Variants in CNTN4 observed in about 807,000 individuals in gnomAD.
CNTN4 encodes the protein contactin-4.
A neutral mutation model predicts 122.5 loss-of-function variants in CNTN4; 77 were observed. That is an observed-to-expected ratio of 0.63 (90% confidence interval 0.52 to 0.76). CNTN4 has a LOEUF of 0.76. CNTN4 is among the 30% of genes least tolerant of loss of function. The pLI, the probability that CNTN4 is intolerant of heterozygous loss-of-function variation, is 0.00. For missense variants in CNTN4, 1,256 were observed against 1,259.1 expected (o/e 1.00, Z 0.04); for synonymous variants, 512 against 447.0 (o/e 1.15, Z -1.83).
At chr3:2,332,826 T>C (rs971787734) in intron 2 of CNTN4, among the ~76,000 whole-genome samples, 1 of 151,754 alleles carries the variant, frequency 6.6e-6, no homozygotes, top group Non-Finnish European at 1.5e-5. Context: ...CATGTATACA[T>C]ATGTAACTAA....
chr3:2,254,674 T>G (rs529679714), intron 2 of CNTN4, among the ~76,000 whole-genome samples: 97 of 152,248 alleles, frequency 6.4e-4, no homozygotes, highest in Non-Finnish European at 1.3e-3. Flanking sequence ...GTTTCTTGGC[T>G]GCATAAATGT....
At chr3:2,981,962 C>A (rs1694066545) in intron 13 of CNTN4, among the ~76,000 whole-genome samples, 1 of 152,058 alleles carries the variant, frequency 6.6e-6, no homozygotes, top group South Asian at 2.1e-4. Flanking sequence ...CGCATGTACC[C>A]AGGAGTTGGA....
intron 12 of CNTN4, among the ~76,000 whole-genome samples, chr3:2,915,025 T>C (rs557998596): frequency 2.0e-4 from 31 of 152,282 alleles, no homozygotes; most frequent in African/African-American, 7.5e-4. Context: ...AACCACGTGA[T>C]CGTTCCAATT....
intron 3 of CNTN4, among the ~76,000 whole-genome samples, chr3:2,492,705 A>T (rs867401743): frequency 2.0e-5 from 3 of 152,104 alleles, no homozygotes; most frequent in African/African-American, 7.2e-5. Context: ...TTTTTATGAC[A>T]CTTTGGATCC....
chr3:2,263,135 T>C (rs532466500), intron 2 of CNTN4, among the ~76,000 whole-genome samples: 163 of 152,260 alleles, frequency 1.1e-3, no homozygotes, highest in African/African-American at 3.8e-3. Flanking sequence ...CTAAAATTTA[T>C]GTCCTCTAAG....
At chr3:2,358,363 G>A (rs970741692) in intron 3 of CNTN4, among the ~76,000 whole-genome samples, 3 of 152,000 alleles carry the variant, frequency 2.0e-5, no homozygotes, top group Non-Finnish European at 4.4e-5. Context: ...CTTAACCAGT[G>A]CTTGGCATAG....
At chr3:2,817,216 G>T (rs186108097) in intron 6 of CNTN4, among the ~76,000 whole-genome samples, 9 of 152,278 alleles carry the variant, frequency 5.9e-5, no homozygotes, top group East Asian at 1.9e-4. Flanking sequence ...CACAGCATTC[G>T]CAATGGACAG....
intron 13 of CNTN4, among the ~76,000 whole-genome samples, chr3:2,961,375 TG>T (rs1414424500): frequency 6.6e-6 from 1 of 151,702 alleles, no homozygotes; most frequent in Non-Finnish European, 1.5e-5. Flanking sequence ...CAACTGAGTT[TG>T]GGGGTTGTAT....
intron 3 of CNTN4, among the ~76,000 whole-genome samples, chr3:2,567,204 A>T (rs941976680): frequency 6.6e-6 from 1 of 151,070 alleles, no homozygotes. Context: ...CTCCTGCCTC[A>T]GCCTCCCTAG....
chr3:2,741,469 T>C (rs1232653152), intron 5 of CNTN4, among the ~76,000 whole-genome samples: 1 of 152,222 alleles, frequency 6.6e-6, no homozygotes, highest in East Asian at 1.9e-4. Flanking sequence ...ACATGTAATT[T>C]ATCATCTGAG....
chr3:2,111,282 C>G (rs948097628), intron 2 of CNTN4, among the ~76,000 whole-genome samples: 7 of 152,100 alleles, frequency 4.6e-5, no homozygotes, highest in African/African-American at 1.7e-4. Context: ...TTGAAATTCA[C>G]CAGCATATTG....
chr3:2,544,005 T>C (rs1445877588), intron 3 of CNTN4, among the ~76,000 whole-genome samples: 1 of 152,112 alleles, frequency 6.6e-6, no homozygotes, highest in African/African-American at 2.4e-5. Context: ...CTTTTTTCCT[T>C]TGAGAACACA....
intron 7 of CNTN4, among the ~76,000 whole-genome samples, chr3:2,835,909 A>G (rs73003219): frequency 2.0e-5 from 3 of 152,298 alleles, no homozygotes; most frequent in Non-Finnish European, 4.4e-5. Flanking sequence ...AAAACTCAAA[A>G]TTAGTGAATT....
intron 3 of CNTN4, among the ~76,000 whole-genome samples, chr3:2,442,315 AC>A (rs1219208950): frequency 1.3e-5 from 2 of 152,164 alleles, no homozygotes; most frequent in Non-Finnish European, 2.9e-5. Context: ...AAAATACCTA[AC>A]AAAAAATACA....
At chr3:2,584,970 T>G (rs1255024464) in intron 4 of CNTN4, among the ~76,000 whole-genome samples, 1 of 152,078 alleles carries the variant, frequency 6.6e-6, no homozygotes. Flanking sequence ...TATAAGCACT[T>G]TTTTCTGTAT....
At chr3:2,138,841 A>G (rs1423843982) in intron 2 of CNTN4, among the ~76,000 whole-genome samples, 3 of 152,136 alleles carry the variant, frequency 2.0e-5, no homozygotes, top group Non-Finnish European at 2.9e-5. Flanking sequence ...ATTCTTTGTA[A>G]TAAATTTTCT....
In CNTN4 at chr3:2,261,592, G is replaced by C. The variant is rs372473838; in HGVS notation, c.-144-77586G>C. ...CTTGCTACATTTGCCATCTGGGATA[G>C]AAGCTTCTGCATCAACCATTAACTA... On this transcript the variant is annotated intron_variant, in intron 2 of 24. Transcript: ENST00000418658. Among the ~76,000 whole-genome samples, 47 of 152,256 alleles carry C rather than the reference G, an allele frequency of 3.1e-4. No individual in the cohort carries two copies. The South Asian group carries it at 9.3e-3, about 30-fold the overall frequency.
intron 7 of CNTN4, among the ~76,000 whole-genome samples, chr3:2,827,720 CTG>C (rs1251926202): frequency 2.6e-5 from 4 of 152,122 alleles, no homozygotes; most frequent in Non-Finnish European, 5.9e-5. Context: ...AAGCCAAACC[CTG>C]TGTGATTCTT....
chr3:2,417,944 T>C (rs555055796), intron 3 of CNTN4, among the ~76,000 whole-genome samples: 17 of 152,240 alleles, frequency 1.1e-4, no homozygotes, highest in African/African-American at 3.6e-4. Context: ...AGAATGACTA[T>C]GGGAAGAGTA....
Sources: allele counts gnomAD v4.1 joint callset (sites outside exome capture counted in the v4.1 genomes callset), GRCh38; gene constraint gnomAD v4.1.1; transcripts MANE v1.5; gene names NCBI Gene and HGNC (gene_info 2026-07-23, HGNC 2026-07-21).